The following SLC7A8 variants were observed in gnomAD, a reference collection of about 807,000 sequenced individuals.
SLC7A8 encodes large neutral amino acids transporter small subunit 2.
SLC7A8 carries 30 observed loss-of-function variants against 51.2 expected under a neutral mutation model. The observed-to-expected ratio is 0.59, with a 90% CI of 0.44 to 0.80. The LOEUF (loss-of-function observed/expected upper bound fraction) is 0.80, where lower values mean the gene tolerates loss of function less well. Among genes scored for constraint, SLC7A8 ranks in the 30% least tolerant of loss-of-function variants. The probability of loss-of-function intolerance (pLI) is 0.00; values close to 1 mark genes in which losing one functional copy is unlikely to be tolerated. For missense variants in SLC7A8, 612 were observed against 674.4 expected, an observed-to-expected ratio of 0.91 and a Z score of 1.03; for synonymous variants, 257 against 275.8, an observed-to-expected ratio of 0.93 and a Z score of 0.67.
chr14:23,131,673 C>T (rs1314063722), intron 7 of SLC7A8, 116 bp from the exon 8 acceptor site: 7 of 676,470 alleles, frequency 1.0e-5, no homozygotes, highest in Non-Finnish European at 1.7e-5. Context: ...AACCAGGCAC[C>T]CGCCTTCACA....
intron 3 of SLC7A8, among the ~76,000 whole-genome samples, chr14:23,161,048 G>A (rs1249535671): frequency 6.6e-6 from 1 of 151,454 alleles, no homozygotes; most frequent in African/African-American, 2.4e-5. Flanking sequence ...CTAAATAATA[G>A]AATAACTCGA....
intron 8 of SLC7A8, among the ~76,000 whole-genome samples, chr14:23,130,655 G>A (rs533522671): frequency 2.6e-5 from 4 of 152,264 alleles, no homozygotes; most frequent in Non-Finnish European, 4.4e-5. Flanking sequence ...AGCCACCTTC[G>A]ACAACCAACC....
At chr14:23,142,314 G>C (rs1331056504) in intron 4 of SLC7A8, among the ~76,000 whole-genome samples, 1 of 152,154 alleles carries the variant, frequency 6.6e-6, no homozygotes, top group African/African-American at 2.4e-5. Flanking sequence ...AAATCCAGTG[G>C]GGAATGTTGG....
intron 7 of SLC7A8, among the ~76,000 whole-genome samples, chr14:23,137,070 A>G (rs1323188101): frequency 3.3e-5 from 5 of 152,210 alleles, no homozygotes; most frequent in Non-Finnish European, 7.3e-5. Flanking sequence ...TTCTGAGGGC[A>G]GGGGGTGCTT....
chr14:23,174,276 T>G lies in SLC7A8; in HGVS notation c.152-7736A>C, dbSNP rs115778800. ...GAAGTATTTGTGCATTTCCTAAATG[T>G]ACAAACAAGCACCTTTAAAACGTGG... is the stretch of plus-strand genomic sequence containing the variant. On this transcript the variant is annotated intron_variant, in intron 1 of 10. Transcript: ENST00000316902. 2.5e-3 allele frequency among the ~76,000 whole-genome samples: 375 copies of G among 152,374 alleles called. 4 individuals are homozygous for G. The highest frequency in any genetic ancestry group is 8.6e-3 in the African/African-American group (357 of 41,592).
At chr14:23,166,596 G>A in intron 1 of SLC7A8, 56 bp from the exon 2 acceptor site, 3 of 1,587,628 alleles carry the variant, frequency 1.9e-6, no homozygotes, top group Non-Finnish European at 2.6e-6. Flanking sequence ...ACGGTTGGCA[G>A]GATTGGCATT....
chr14:23,146,829 G>A (rs1452733949), intron 3 of SLC7A8: 2 of 152,206 alleles, frequency 1.3e-5, no homozygotes, highest in African/African-American at 4.8e-5. Flanking sequence ...CCTCACAGCA[G>A]GCTGAAACCT....
intron 3 of SLC7A8, among the ~76,000 whole-genome samples, chr14:23,147,871 T>C (rs954172953): frequency 2.6e-5 from 4 of 152,010 alleles, no homozygotes; most frequent in African/African-American, 4.8e-5. Flanking sequence ...CTGCCCAGAG[T>C]CCAGGGCCTC....
intron 1 of SLC7A8, among the ~76,000 whole-genome samples, chr14:23,168,515 C>A (rs2048961129): frequency 6.6e-6 from 1 of 152,176 alleles, no homozygotes; most frequent in African/African-American, 2.4e-5. Flanking sequence ...AATTTCAAAG[C>A]CAGCCAAGAC....
chr14:23,183,049 C>G lies in SLC7A8; in HGVS notation c.-135G>C. 2.1e-6 allele frequency: 2 copies of G among 951,638 alleles called. No homozygotes were observed. Among genetic ancestry groups the G allele is most frequent in the Non-Finnish European group, 3.0e-6 (2 of 674,638 alleles). The allele number at this position is 951,638 out of a possible 1,614,324, so 58.9% of individuals were successfully genotyped here. A position where few individuals can be genotyped will look rare whatever the true frequency, so the allele number is the denominator to read the frequency against. On this transcript the variant is annotated 5_prime_UTR_variant, in exon 1 of 11. Coordinates refer to ENST00000316902, the MANE Select transcript of SLC7A8 (RefSeq NM_012244.4). ...AACCACTGCTACTCTCTAAAAAAGG[C>G]AAGCAGATAAAAGAGAACACGAAAA...
intron 1 of SLC7A8, among the ~76,000 whole-genome samples, chr14:23,180,234 T>C (rs534846039): frequency 6.0e-4 from 92 of 152,340 alleles, no homozygotes; most frequent in African/African-American, 2.1e-3. Context: ...TCTCTTTTTT[T>C]CTGCAGTGTT....
chr14:23,176,069 A>AT (rs2048997654), intron 1 of SLC7A8, among the ~76,000 whole-genome samples: 1 of 152,154 alleles, frequency 6.6e-6, no homozygotes, highest in African/African-American at 2.4e-5. Context: ...GTGTATTTGT[A>AT]TTTTTTAATT....
At chr14:23,129,030 G>A (rs1021502035) in intron 9 of SLC7A8, among the ~76,000 whole-genome samples, 2 of 152,130 alleles carry the variant, frequency 1.3e-5, no homozygotes, top group African/African-American at 2.4e-5. Context: ...CTTCTAATTC[G>A]TAGGAGAACT....
rs374732556 is a variant in SLC7A8, at chr14:23,133,748, C to T, written c.1017-2191G>A. Among the ~76,000 whole-genome samples, 121 of 151,962 alleles carry T rather than the reference C, an allele frequency of 8.0e-4. No individual in the cohort carries two copies. The East Asian group carries it at 8.1e-3, about 10-fold the overall frequency. On this transcript the variant is annotated intron_variant, in intron 7 of 10. Transcript: ENST00000316902. ...AGGTTGAGGCAGAATTGCCTGAACC[C>T]GGAAGGTGGAGGTTGCAGTGAGCAG...
intron 1 of SLC7A8, among the ~76,000 whole-genome samples, chr14:23,180,705 T>G (rs74817633): frequency 0.081 from 12,294 of 152,180 alleles, 587 homozygotes; most frequent in South Asian, 0.23. Flanking sequence ...ATTGTACTTA[T>G]TATACCTGAA....
At chr14:23,129,525 G>T (rs929533334) in intron 9 of SLC7A8, 125 bp downstream of exon 9, 33 of 1,156,984 alleles carry the variant, frequency 2.9e-5, no homozygotes, top group Non-Finnish European at 3.2e-5. Context: ...GCTTTCCAAA[G>T]GGTCTGCTAC....
Position 23,127,022 on chromosome 14 carries a change from G to T in SLC7A8, c.*155C>A. On this transcript the variant is annotated 3_prime_UTR_variant, in exon 11 of 11. Transcript: ENST00000316902. ...TCTTTGGGTATGAATGTCAGTTTTT[G>T]TTTACAATTTCTCACCACCCACACC... The T allele has an allele frequency of 4.4e-6, 4 of 908,684 alleles. No homozygotes were observed. Among genetic ancestry groups the T allele is most frequent in the South Asian group, 1.7e-5 (1 of 59,402 alleles). The allele number at this position is 908,684 out of a possible 1,614,324, so 56.3% of individuals were successfully genotyped here. A position where few individuals can be genotyped will look rare whatever the true frequency, so the allele number is the denominator to read the frequency against.
At chr14:23,155,416 C>T in intron 3 of SLC7A8, 2 of 1,445,794 alleles carry the variant, frequency 1.4e-6, no homozygotes, top group South Asian at 2.9e-5. Context: ...CCTGTTAGCT[C>T]CTGCGCCAGC....
chr14:23,165,796 T>C lies in SLC7A8; in HGVS notation c.357-360A>G, dbSNP rs1048026961. 2.6e-5 allele frequency among the ~76,000 whole-genome samples: 4 copies of C among 152,058 alleles called. No individual in the cohort carries two copies. Among genetic ancestry groups the C allele is most frequent in the African/African-American group, 9.7e-5 (4 of 41,392 alleles). ...AAGGGTGTGGTTACGTAAGCAATAA[T>C]CAGGAGAGGTATCAAGTGGGGGTTT... On this transcript the variant is annotated intron_variant, in intron 2 of 10. Transcript: ENST00000316902. The surrounding 1 kb of genome is among the most constrained non-coding windows in gnomAD (Gnocchi z 4.2).
Sources: allele counts gnomAD v4.1 joint callset (sites outside exome capture counted in the v4.1 genomes callset), GRCh38; gene constraint gnomAD v4.1.1; non-coding constraint Gnocchi (gnomAD v3.1); transcripts MANE v1.5; gene names NCBI Gene and HGNC (gene_info 2026-07-23, HGNC 2026-07-21).